The following PYGM variants were observed in gnomAD, a reference collection of about 807,000 sequenced individuals.
PYGM encodes the protein glycogen phosphorylase, muscle form.
A neutral mutation model predicts 99.3 loss-of-function variants in PYGM; 81 were observed. The ratio of observed to expected loss-of-function variants is 0.82; its 90% confidence interval spans 0.68 to 0.98. PYGM has a LOEUF of 0.98. Among genes scored for constraint, PYGM ranks in the 50% least tolerant of loss-of-function variants. PYGM has a pLI of 0.00. For missense variants in PYGM, 1,030 were observed against 1,158.1 expected (o/e 0.89, Z 1.61); for synonymous variants, 436 against 451.5 (o/e 0.97, Z 0.44).
rs772848708 is a variant in PYGM, at chr11:64,755,496, G to T, written c.723C>A (p.Thr241=). Residue 241 remains threonine, a synonymous_variant, in exon 6 of 20, where the codon ACC becomes ACA. Transcript: ENST00000164139. The surrounding 1 kb of genome is among the most constrained non-coding windows in gnomAD (Gnocchi z 4.1). ...VPGYRNNVVN[T]MRLWSAKAPN... The stretch of plus-strand genomic sequence containing the variant: ...GAGCCTTGGCAGACCAGAGGCGCAT[G>T]GTGTTGACAACATTGTTGCGATAGC... 6.2e-7 allele frequency: 1 copy of T among 1,614,184 alleles called. No homozygotes were observed. The highest frequency in any genetic ancestry group is 1.3e-5 in the African/African-American group (1 of 75,056).
intron 17 of PYGM, chr11:64,748,131 G>C (rs1019154578): frequency 6.6e-6 from 1 of 152,570 alleles, no homozygotes; most frequent in African/African-American, 2.4e-5. Context: ...AAACCTAACC[G>C]TTCCAACCAG....
At chr11:64,751,199 G>T in intron 16 of PYGM, 126 bp downstream of exon 16, 1 of 1,425,924 alleles carries the variant, frequency 7.0e-7, no homozygotes, top group South Asian at 1.2e-5. Context: ...GCCTCCTCAT[G>T]GTTTAAGCAT....
chr11:64,752,694 T>C (rs2058365282), intron 12 of PYGM, among the ~76,000 whole-genome samples, 190 bp from the exon 13 acceptor site: 1 of 152,196 alleles, frequency 6.6e-6, no homozygotes, highest in South Asian at 2.1e-4. Flanking sequence ...CCTCCCGTCC[T>C]TGAGCTCTGA....
intron 5 of PYGM, among the ~76,000 whole-genome samples, chr11:64,757,410 T>G (rs1056762480): frequency 6.6e-6 from 1 of 152,204 alleles, no homozygotes; most frequent in African/African-American, 2.4e-5. Context: ...TGAATTCCTT[T>G]CGGAAGGCTC....
chr11:64,756,513 C>G (rs2058395252), intron 5 of PYGM, among the ~76,000 whole-genome samples: 1 of 152,158 alleles, frequency 6.6e-6, no homozygotes, highest in Non-Finnish European at 1.5e-5. Context: ...TGCAGTGGCA[C>G]TATCTTGGCT....
chr11:64,760,621 G>A (rs973007919), upstream of PYGM, among the ~76,000 whole-genome samples: 13 of 152,252 alleles, frequency 8.5e-5, no homozygotes, highest in East Asian at 5.8e-4. Context: ...CCTGCAGCAC[G>A]GGGCCCTGGG....
chr11:64,760,550 G>A (rs1019195967), upstream of PYGM, among the ~76,000 whole-genome samples: 2 of 152,260 alleles, frequency 1.3e-5, no homozygotes, highest in African/African-American at 2.4e-5. Context: ...AAGGAGCCCT[G>A]AAGTGACCTT....
chr11:64,747,224 C>G lies in PYGM; in HGVS notation c.2312G>C (p.Arg771Pro), dbSNP rs150911354. ...GTGATTCCCGGGCCAACCAGCTCACCGGTCATGGTGCATGAGCATATTGAC... is the reference window on the plus strand; with the variant it reads ...GTGATTCCCGGGCCAACCAGCTCACGGGTCATGGTGCATGAGCATATTGAC... The part of the protein sequence containing the change: ...DIVNMLMHHD[R>P]FKVFADYEDY... The change falls in exon 18 of 20, where the codon CGG becomes CCG. Residue 771 changes from arginine to proline, a missense_variant and splice_region_variant. Transcript: ENST00000164139. 1 of 1,614,034 alleles carries G rather than the reference C, an allele frequency of 6.2e-7. No homozygotes were observed. The highest frequency in any genetic ancestry group is 8.5e-7 in the Non-Finnish European group (1 of 1,179,942).
In PYGM at chr11:64,759,843, A is replaced by T; in HGVS notation, c.56T>A (p.Leu19Gln). The T allele has an allele frequency of 6.2e-7, 1 of 1,614,204 alleles. No individual in the cohort carries two copies. Among genetic ancestry groups the T allele is most frequent in the Non-Finnish European group, 8.5e-7 (1 of 1,180,034 alleles). Residue 19 changes from leucine to glutamine, a missense_variant, in exon 1 of 20, where the codon CTG becomes CAG. Transcript: ENST00000164139. ...EKRKQISVRG[L>Q]AGVENVTELK... ...CTCAGTCACGTTCTCCACGCCGGCC[A>T]GGCCACGCACACTGATTTGCTTTCT...
intron 17 of PYGM, among the ~76,000 whole-genome samples, chr11:64,749,870 G>A (rs928524014): frequency 2.7e-5 from 4 of 146,576 alleles, no homozygotes; most frequent in African/African-American, 1.0e-4. Flanking sequence ...TCGGCTCACT[G>A]CAAGCTCCGC....
chr11:64,755,162 C>T lies in PYGM; in HGVS notation c.855+111G>A. ...GGGGGCACAGGATGCACAAGGCCAG[C>T]AATATGCCCTGGGTGTGACTAGGGC... On this transcript the variant is annotated intron_variant, in intron 7 of 19. Transcript: ENST00000164139. The surrounding 1 kb of genome is among the most constrained non-coding windows in gnomAD (Gnocchi z 4.1). 1 of 1,254,082 alleles carries T rather than the reference C, an allele frequency of 8.0e-7. No homozygotes were observed. The highest frequency in any genetic ancestry group is 1.8e-5 in the Admixed American group (1 of 56,640). 77.7% of individuals were successfully genotyped at this position (1,254,082 alleles called of 1,614,324 possible). A position where few individuals can be genotyped will look rare whatever the true frequency, so the allele number is the denominator to read the frequency against.
At position 64,759,844 on chromosome 11, in the gene PYGM, G is replaced by A; in HGVS notation, c.55C>T (p.Leu19=). 6.2e-7 allele frequency: 1 copy of A among 1,614,244 alleles called. No individual in the cohort carries two copies. The highest frequency in any genetic ancestry group is 8.5e-7 in the Non-Finnish European group (1 of 1,180,046). The change falls in exon 1 of 20, where the codon CTG becomes TTG. Residue 19 remains leucine (L), a synonymous_variant. Transcript: ENST00000164139. ...TCAGTCACGTTCTCCACGCCGGCCA[G>A]GCCACGCACACTGATTTGCTTTCTT... The part of the protein sequence containing the change: ...EKRKQISVRG[L]AGVENVTELK...
Position 64,759,783 on chromosome 11 carries a change from G to A in PYGM, c.116C>T (p.Thr39Ile), listed in dbSNP as rs897159798. 1 of 1,614,224 alleles carries A rather than the reference G, an allele frequency of 6.2e-7. No individual in the cohort carries two copies. Among genetic ancestry groups the A allele is most frequent in the Non-Finnish European group, 8.5e-7 (1 of 1,180,036 alleles). The change falls in exon 1 of 20, where the codon ACA (threonine) becomes ATA (isoleucine). Residue 39 changes from threonine (T) to isoleucine (I), a missense_variant. Physicochemically the swap from Thr to Ile is moderately conservative, Grantham distance 89. Transcript: ENST00000164139. ...KKNFNRHLHF[T>I]LVKDRNVATP... ...GGCCACATTGCGGTCCTTTACGAGT[G>A]TGAAATGCAGGTGCCGGTTGAAGTT...
chr11:64,758,153 C>T (rs546341870), intron 4 of PYGM, 93 bp downstream of exon 4: 30 of 1,454,896 alleles, frequency 2.1e-5, no homozygotes, highest in South Asian at 2.3e-5. Flanking sequence ...ACAGAGCTTG[C>T]GGGGCTGTTT....
Position 64,758,368 on chromosome 11 carries a change from G to C in PYGM, c.425-19C>G. On this transcript the variant is annotated intron_variant, in intron 3 of 19. Transcript: ENST00000164139. ...AAGCAGGCTGGGGGTGTGCAGGGAG[G>C]TGGCTGTCAGGGACCCAGCAAGGAG... 6.2e-7 allele frequency: 1 copy of C among 1,612,976 alleles called. No homozygotes were observed. Among genetic ancestry groups the C allele is most frequent in the Non-Finnish European group, 8.5e-7 (1 of 1,179,422 alleles).
chr11:64,753,207 G>A lies in PYGM; in HGVS notation c.1404-20C>T, dbSNP rs370135154. On this transcript the variant is annotated intron_variant, in intron 11 of 19. Transcript: ENST00000164139. ...TTGAAGCTGCAGGATGAGGTTGGAC[G>A]AGGGTCACCACTCACCCCTGTACAA... 5.1e-6 allele frequency: 8 copies of A among 1,578,434 alleles called. No individual in the cohort carries two copies. Among genetic ancestry groups the A allele is most frequent in the East Asian group, 2.2e-5 (1 of 44,716 alleles).
chr11:64,746,950 A>G lies in PYGM; in HGVS notation c.2350T>C (p.Cys784Arg). The G allele has an allele frequency of 6.2e-7, 1 of 1,614,206 alleles. No homozygotes were observed. Among genetic ancestry groups the G allele is most frequent in the Non-Finnish European group, 8.5e-7 (1 of 1,180,038 alleles). ...TACAAGGCGCTGACTTTCTCCTGGC[A>G]TTTAATGTAGTCTTCATAATCTGCG... is the stretch of plus-strand genomic sequence containing the variant. The part of the protein sequence containing the change: ...VFADYEDYIK[C>R]QEKVSALYKN... Residue 784 changes from cysteine to arginine, a missense_variant, in exon 19 of 20, where the codon TGC becomes CGC. Transcript: ENST00000164139.
chr11:64,750,345 G>T, intron 17 of PYGM, 31 bp downstream of exon 17: 2 of 1,612,814 alleles, frequency 1.2e-6, no homozygotes, highest in South Asian at 2.2e-5. Context: ...ACACCTGGGT[G>T]TCTTTTGCCC....
rs11231865 is a variant in PYGM, at chr11:64,753,097, G to A, written c.1494C>T (p.Pro498=). 9,827 of 1,613,600 alleles carry A rather than the reference G, an allele frequency of 6.1e-3. 527 individuals carry two copies. In the African/African-American group the frequency reaches 0.11, roughly 19 times the overall value. Residue 498 remains proline (P), a synonymous_variant, in exon 12 of 20, where the codon CCC becomes CCT. Transcript: ENST00000164139. ...CCTCAGCAATGACCTCTGCCAGCCC[G>A]GGGTTACACAGAACCAGCCAGCGCC... ...TPRRWLVLCN[P]GLAEVIAERI...
Sources: gnomAD v4.1 joint callset for allele counts (sites outside exome capture counted in the v4.1 genomes callset) on GRCh38, gnomAD v4.1.1 for gene constraint, Gnocchi (gnomAD v3.1) non-coding constraint, MANE v1.5 for transcripts, NCBI Gene and HGNC (gene_info 2026-07-23, HGNC 2026-07-21) for gene names.